TASP1: variants seen among roughly 807,000 people sequenced by gnomAD.
TASP1 encodes threonine aspartase 1.
A neutral mutation model predicts 56.6 loss-of-function variants in TASP1; 16 were observed. That is an observed-to-expected ratio of 0.28 (90% CI 0.19 to 0.43). TASP1 has a LOEUF of 0.43. Ranked by LOEUF, TASP1 falls within the 20% of genes least tolerant of loss-of-function variation. The probability of loss-of-function intolerance (pLI) is 1.00; values close to 1 mark genes in which losing one functional copy is unlikely to be tolerated. For synonymous variants in TASP1, 179 were observed against 184.2 expected (o/e 0.97, Z 0.23); for missense variants, 393 against 511.6 (o/e 0.77, Z 2.24).
chr20:13,298,491 T>C, the TASP1 span, among the ~76,000 whole-genome samples: 1 of 152,298 alleles, frequency 6.6e-6, no homozygotes, highest in East Asian at 1.9e-4. Flanking sequence ...CGGATCACGG[T>C]TATCTAGGAA....
the TASP1 span, among the ~76,000 whole-genome samples, chr20:13,328,228 A>G: frequency 6.6e-6 from 1 of 152,236 alleles, no homozygotes. Context: ...CCTGATCATT[A>G]GAGAACTGCA....
chr20:13,166,752 T>C, the TASP1 span: 1 of 152,188 alleles, frequency 6.6e-6, no homozygotes, highest in South Asian at 2.1e-4. Context: ...ATAAACATCT[T>C]CCTTTCTTTC....
the TASP1 span, among the ~76,000 whole-genome samples, chr20:13,351,020 A>C: frequency 2.6e-5 from 4 of 152,182 alleles, no homozygotes; most frequent in African/African-American, 9.6e-5. Flanking sequence ...AAATTTTAAA[A>C]GAGTTGAACA....
At chr20:13,343,842 T>C in the TASP1 span, among the ~76,000 whole-genome samples, 1 of 152,134 alleles carries the variant, frequency 6.6e-6, no homozygotes, top group Admixed American at 6.5e-5. Flanking sequence ...AAGTGGAATC[T>C]ATTCCTGCAG....
intron 13 of TASP1, among the ~76,000 whole-genome samples, chr20:13,393,861 TC>T (rs958393380): frequency 6.7e-6 from 1 of 148,878 alleles, no homozygotes; most frequent in African/African-American, 2.5e-5. Context: ...ATGAATAAAG[TC>T]CCCTGCGCTC....
At chr20:13,270,418 T>G in the TASP1 span, 1 of 1,442,504 alleles carries the variant, frequency 6.9e-7, no homozygotes, top group African/African-American at 1.4e-5. Flanking sequence ...GAATTGTCCT[T>G]GCTCCTGAAT....
At chr20:13,609,686 CAAAA>C in intron 4 of TASP1, among the ~76,000 whole-genome samples, 1 of 49,974 alleles carries the variant, frequency 2.0e-5, no homozygotes, top group African/African-American at 7.2e-5. Flanking sequence ...AACTCTGTCT[CAAAA>C]AAAAAAAAAA....
At chr20:13,294,905 C>T in the TASP1 span, among the ~76,000 whole-genome samples, 1 of 152,186 alleles carries the variant, frequency 6.6e-6, no homozygotes, top group Non-Finnish European at 1.5e-5. Flanking sequence ...TCACAGAGCT[C>T]CTGAAAGTTG....
At chr20:13,637,240 T>A (rs1246331198) in intron 1 of TASP1, among the ~76,000 whole-genome samples, 1 of 152,100 alleles carries the variant, frequency 6.6e-6, no homozygotes, top group Admixed American at 6.5e-5. Flanking sequence ...AAAAGAAAGA[T>A]AAGTGCTCCC....
chr20:13,159,029 CAA>C, the TASP1 span, among the ~76,000 whole-genome samples: 2 of 152,214 alleles, frequency 1.3e-5, no homozygotes, highest in African/African-American at 4.8e-5. Flanking sequence ...AGTTTTCCTG[CAA>C]AGACTAACAG....
intron 11 of TASP1, among the ~76,000 whole-genome samples, chr20:13,451,064 T>C (rs569206438): frequency 2.6e-5 from 4 of 152,180 alleles, no homozygotes; most frequent in Non-Finnish European, 5.9e-5. Flanking sequence ...ACCAGGTGCA[T>C]TGTCATAGAA....
chr20:13,428,260 A>G (rs2042685927), intron 12 of TASP1, among the ~76,000 whole-genome samples: 1 of 152,220 alleles, frequency 6.6e-6, no homozygotes, highest in Admixed American at 6.5e-5. Flanking sequence ...GGTGCAAAAC[A>G]GGAAATTAAC....
chr20:13,212,520 C>A, the TASP1 span, among the ~76,000 whole-genome samples: 1 of 152,154 alleles, frequency 6.6e-6, no homozygotes, highest in Non-Finnish European at 1.5e-5. Flanking sequence ...CACACACACA[C>A]AAAAGTGTGA....
chr20:13,613,481 A>C (rs887471581), intron 4 of TASP1, among the ~76,000 whole-genome samples: 2 of 152,184 alleles, frequency 1.3e-5, no homozygotes, highest in African/African-American at 4.8e-5. Context: ...ATGCTTGTAT[A>C]GGAAAATTAG....
chr20:13,199,560 A>T, the TASP1 span, among the ~76,000 whole-genome samples: 1 of 152,312 alleles, frequency 6.6e-6, no homozygotes, highest in African/African-American at 2.4e-5. Flanking sequence ...AAGCCTCTTG[A>T]AGGAAAGGAC....
the TASP1 span, among the ~76,000 whole-genome samples, chr20:13,338,635 G>A: frequency 1.3e-5 from 2 of 152,172 alleles, no homozygotes; most frequent in African/African-American, 4.8e-5. Context: ...TTTCAGTAGG[G>A]TTTCATGCTA....
At chr20:13,265,451 T>A in the TASP1 span, among the ~76,000 whole-genome samples, 2 of 152,184 alleles carry the variant, frequency 1.3e-5, no homozygotes, top group East Asian at 3.8e-4. Flanking sequence ...AAGTACAATC[T>A]TTTTGTCCAA....
At chr20:13,506,881 C>CAAAAAAA (rs3042648) in intron 10 of TASP1, among the ~76,000 whole-genome samples, 1 of 144,000 alleles carries the variant, frequency 6.9e-6, no homozygotes. Context: ...GAAATTAGGC[C>CAAAAAAA]AAAAAAAAAA....
chr20:13,147,564 G>A, the TASP1 span, among the ~76,000 whole-genome samples: 1 of 152,198 alleles, frequency 6.6e-6, no homozygotes, highest in Non-Finnish European at 1.5e-5. Flanking sequence ...CTGGCAGATA[G>A]AGAAGCAGGG....
Sources: gnomAD v4.1 joint callset for allele counts (sites outside exome capture counted in the v4.1 genomes callset) on GRCh38, gnomAD v4.1.1 for gene constraint, MANE v1.5 for transcripts, NCBI Gene and HGNC (gene_info 2026-07-23, HGNC 2026-07-21) for gene names.